Variants in CSMD2 observed in about 807,000 individuals in gnomAD.
The protein encoded by CSMD2 is CUB and sushi domain-containing protein 2.
CSMD2 carries 130 observed loss-of-function variants against 398.5 expected under a neutral mutation model. The observed-to-expected ratio is 0.33, with a 90% CI of 0.28 to 0.38. The LOEUF (loss-of-function observed/expected upper bound fraction) is 0.38. Ranked by LOEUF, CSMD2 falls within the 10% of genes least tolerant of loss-of-function variation. CSMD2 has a pLI of 1.00. For synonymous variants in CSMD2, 1,828 were observed against 1,908.5 expected, an observed-to-expected ratio of 0.96 and a Z score of 1.10; for missense variants, 3,829 against 4,764.9, an observed-to-expected ratio of 0.80 and a Z score of 5.78.
At chr1:33,711,225 T>C (rs1645977617) in intron 21 of CSMD2, among the ~76,000 whole-genome samples, 1 of 152,158 alleles carries the variant, frequency 6.6e-6, no homozygotes, top group Non-Finnish European at 1.5e-5. Flanking sequence ...GCCATGCATA[T>C]GTAAACACTT....
At chr1:34,032,016 G>A (rs1650507888) in intron 3 of CSMD2, among the ~76,000 whole-genome samples, 1 of 152,016 alleles carries the variant, frequency 6.6e-6, no homozygotes, top group Non-Finnish European at 1.5e-5. Context: ...AATAATAATA[G>A]TGTATAATCT....
At chr1:33,784,855 T>C (rs573014586) in intron 12 of CSMD2, among the ~76,000 whole-genome samples, 1 of 152,300 alleles carries the variant, frequency 6.6e-6, no homozygotes, top group Non-Finnish European at 1.5e-5. Context: ...CGCTCTCAGA[T>C]TGGCATCATT....
intron 15 of CSMD2, among the ~76,000 whole-genome samples, chr1:33,728,208 C>T (rs1172555689): frequency 2.0e-5 from 3 of 152,038 alleles, no homozygotes; most frequent in Admixed American, 1.3e-4. Flanking sequence ...CTATCAGATG[C>T]CAAAAATTCC....
At chr1:33,775,943 C>T (rs1303925179) in intron 12 of CSMD2, among the ~76,000 whole-genome samples, 2 of 152,138 alleles carry the variant, frequency 1.3e-5, no homozygotes, top group Non-Finnish European at 2.9e-5. Context: ...GCCTTGAATG[C>T]TGCAGGGAAG....
At chr1:34,094,985 C>A (rs1659110076) in intron 1 of CSMD2, among the ~76,000 whole-genome samples, 1 of 139,074 alleles carries the variant, frequency 7.2e-6, no homozygotes, top group Non-Finnish European at 1.5e-5. Context: ...CACACCTATT[C>A]CAAAATTGAC....
intron 24 of CSMD2, 67 bp downstream of exon 24, chr1:33,698,686 A>G (rs1887918): frequency 0.39 from 563,412 of 1,433,574 alleles, 112,925 homozygotes; most frequent in Middle Eastern, 0.52. Flanking sequence ...AACTGGAATG[A>G]GACCAGGACT....
intron 2 of CSMD2, among the ~76,000 whole-genome samples, chr1:34,087,764 A>G (rs1044959676): frequency 2.9e-4 from 44 of 152,208 alleles, no homozygotes; most frequent in African/African-American, 1.0e-3. Context: ...TGTAACCTCC[A>G]TGAAGGCGGT....
At chr1:34,003,384 C>G (rs994119141) in intron 3 of CSMD2, among the ~76,000 whole-genome samples, 1 of 152,128 alleles carries the variant, frequency 6.6e-6, no homozygotes, top group Non-Finnish European at 1.5e-5. Context: ...TAGTTTTGCG[C>G]CTTTCTGTCA....
At chr1:33,556,720 C>A (rs1289539592) in intron 55 of CSMD2, among the ~76,000 whole-genome samples, 1 of 152,144 alleles carries the variant, frequency 6.6e-6, no homozygotes, top group African/African-American at 2.4e-5. Context: ...GTGGGAGAGA[C>A]CCGGTGGGAG....
intron 3 of CSMD2, among the ~76,000 whole-genome samples, chr1:33,957,779 G>A (rs1645216162): frequency 6.6e-6 from 1 of 152,190 alleles, no homozygotes; most frequent in African/African-American, 2.4e-5. Context: ...ACAGCACCAT[G>A]ACCATCAGGA....
At position 33,706,765 on chromosome 1, in the gene CSMD2, A is replaced by AGT. The variant is rs138885180; in HGVS notation, c.3576+2322_3576+2323dup. Among the ~76,000 whole-genome samples the AGT allele has an allele frequency of 1.6e-3, 246 of 151,068 alleles. 2 individuals carry two copies. Among genetic ancestry groups the AGT allele is most frequent in the Admixed American group, 8.6e-3 (131 of 15,172 alleles). On this transcript the variant is annotated intron_variant, in intron 22 of 70. Coordinates refer to ENST00000373381, the MANE Select transcript of CSMD2 (RefSeq NM_001281956.2). ...AGCATTTCCTACCCTGGTGCTAAAG[A>AGT]GTGTGTGTGTGTGTGCATGTACGTG... is the stretch of plus-strand genomic sequence containing the variant.
In CSMD2 at chr1:33,583,564, G is replaced by T. The variant is rs1570820676; in HGVS notation, c.7240+78C>A. 7 of 1,416,698 alleles carry T rather than the reference G, an allele frequency of 4.9e-6. No homozygotes were observed. The East Asian group carries it at 1.6e-4, about 32-fold the overall frequency. 87.8% of individuals were successfully genotyped at this position (1,416,698 alleles called of 1,614,324 possible). ...TCTGGCAAGCCCTGATAGGAAAACTGCAGCACAGACTCCTCGGGTTCTGGA... is the reference window on the plus strand; with the variant it reads ...TCTGGCAAGCCCTGATAGGAAAACTTCAGCACAGACTCCTCGGGTTCTGGA... On this transcript the variant is annotated intron_variant, in intron 47 of 70. Coordinates refer to ENST00000373381, the MANE Select transcript of CSMD2 (RefSeq NM_001281956.2).
At position 33,636,815 on chromosome 1, in the gene CSMD2, C is replaced by T. The variant is rs183997709; in HGVS notation, c.4775-261G>A. 1.8e-4 allele frequency among the ~76,000 whole-genome samples: 27 copies of T among 152,264 alleles called. No homozygotes were observed. The East Asian group carries it at 4.3e-3, about 24-fold the overall frequency. On this transcript the variant is annotated intron_variant, in intron 29 of 70. Transcript: ENST00000373381. This position sits in a 1 kb window ranked among gnomAD's most constrained non-coding sequence, Gnocchi z 4.8. ...GCCTTGACCCACAGAGGAAGGAGGC[C>T]CAGCAAAATCGCTGAGGCCCTCTCT...
intron 65 of CSMD2, among the ~76,000 whole-genome samples, chr1:33,526,419 C>T (rs371474587): frequency 9.8e-5 from 15 of 152,308 alleles, no homozygotes; most frequent in African/African-American, 3.6e-4. Flanking sequence ...TACATGGTGG[C>T]CATCCCATCT....
intron 2 of CSMD2, among the ~76,000 whole-genome samples, chr1:34,034,550 C>T (rs1650874982): frequency 6.6e-6 from 1 of 152,122 alleles, no homozygotes; most frequent in Non-Finnish European, 1.5e-5. Flanking sequence ...TGAGCAGTGG[C>T]AAGAGAAGAG....
rs762455303 is a variant in CSMD2, at chr1:33,583,809, A to T, written c.7073T>A (p.Leu2358His). The T allele has an allele frequency of 6.8e-6, 11 of 1,613,968 alleles. No homozygotes were observed. The highest frequency in any genetic ancestry group is 9.3e-6 in the Non-Finnish European group (11 of 1,180,010). Reference protein sequence around the residue: ...ICEVHCPTNELLTDSTGVILS... With the variant: ...ICEVHCPTNEHLTDSTGVILS... ...GATCACGCCTGTGGAGTCTGTCAGAAGCTCATTTGTTGGACAGTGCACTTG... is the reference window on the plus strand; with the variant it reads ...GATCACGCCTGTGGAGTCTGTCAGATGCTCATTTGTTGGACAGTGCACTTG... Residue 2358 changes from leucine (L) to histidine (H), a missense_variant, in exon 47 of 71, where the codon CTT (leucine) becomes CAT (histidine). This residue lies in a region of CSMD2 where 723 missense variants were observed against 758.6 expected (regional missense o/e 0.95). Transcript: ENST00000373381.
chr1:34,106,043 G>A (rs1660491874), intron 1 of CSMD2, among the ~76,000 whole-genome samples: 1 of 152,184 alleles, frequency 6.6e-6, no homozygotes, highest in Non-Finnish European at 1.5e-5. Context: ...CAGCAAATCT[G>A]GGGAATGGAT....
intron 13 of CSMD2, among the ~76,000 whole-genome samples, chr1:33,764,642 A>G (rs1650253986): frequency 6.6e-6 from 1 of 152,222 alleles, no homozygotes; most frequent in African/African-American, 2.4e-5. Context: ...TAAGCAGAGG[A>G]AGCTCACACC....
chr1:33,764,653 G>GATCAC, intron 13 of CSMD2, among the ~76,000 whole-genome samples: 1 of 152,216 alleles, frequency 6.6e-6, no homozygotes, highest in Non-Finnish European at 1.5e-5. Flanking sequence ...AGCTCACACC[G>GATCAC]ATCACGGTCC....
Sources: gnomAD v4.1 joint callset for allele counts (sites outside exome capture counted in the v4.1 genomes callset) on GRCh38, gnomAD v4.1.1 for gene constraint, gnomAD v4.1.1 regional missense constraint, Gnocchi (gnomAD v3.1) non-coding constraint, MANE v1.5 for transcripts, NCBI Gene and HGNC (gene_info 2026-07-23, HGNC 2026-07-21) for gene names.